CLEC16A: variants seen among roughly 807,000 people sequenced by gnomAD.
CLEC16A encodes protein CLEC16A.
In CLEC16A, 51 loss-of-function variants were observed where a neutral mutation model predicts 109.5. That is an observed-to-expected ratio of 0.47 (90% CI 0.37 to 0.59). The LOEUF (loss-of-function observed/expected upper bound fraction) is 0.59. Ranked by LOEUF, CLEC16A falls within the 20% of genes least tolerant of loss-of-function variation. The pLI, the probability that CLEC16A is intolerant of heterozygous loss-of-function variation, is 0.00. For synonymous variants in CLEC16A, 673 were observed against 564.2 expected (o/e 1.19, Z -2.73); for missense variants, 1,339 against 1,394.0 (o/e 0.96, Z 0.63).
intron 22 of CLEC16A, among the ~76,000 whole-genome samples, chr16:11,128,355 C>T (rs750779688): frequency 2.2e-4 from 33 of 152,216 alleles, no homozygotes; most frequent in African/African-American, 3.6e-4. Context: ...GAGTGTGGCC[C>T]GGCTCCAGAA....
intron 19 of CLEC16A, among the ~76,000 whole-genome samples, chr16:11,106,934 C>T (rs1198552082): frequency 6.6e-6 from 1 of 152,184 alleles, no homozygotes; most frequent in Admixed American, 6.5e-5. Context: ...TTGCCCTGCA[C>T]AGCTTCCCCT....
intron 9 of CLEC16A, among the ~76,000 whole-genome samples, chr16:10,981,726 C>T (rs955680200): frequency 6.6e-6 from 1 of 152,204 alleles, no homozygotes; most frequent in South Asian, 2.1e-4. Context: ...GGTTTCTGTT[C>T]TAGTTTTGTT....
chr16:11,178,996 C>G lies in CLEC16A; in HGVS notation c.*306C>G, dbSNP rs1175364998. ...GTCTCTGAGCCCCGGGTGGCAGGAC[C>G]CACCGGCACCTCTTTCTTCCTCTGT... On this transcript the variant is annotated 3_prime_UTR_variant, in exon 24 of 24. Transcript: ENST00000409790. This position sits in a 1 kb window ranked among gnomAD's most constrained non-coding sequence, Gnocchi z 6.5. 2 of 339,844 alleles carry G rather than the reference C, an allele frequency of 5.9e-6. No homozygotes were observed. Among genetic ancestry groups the G allele is most frequent in the Non-Finnish European group, 1.1e-5 (2 of 187,996 alleles). 21.1% of individuals were successfully genotyped at this position (339,844 alleles called of 1,614,324 possible).
chr16:11,047,400 C>G, intron 17 of CLEC16A, 58 bp downstream of exon 17: 2 of 1,381,756 alleles, frequency 1.4e-6, no homozygotes, highest in Non-Finnish European at 2.0e-6. Flanking sequence ...CTGCCAAGCT[C>G]CCCCTGCCCA....
chr16:11,039,991 C>T, intron 14 of CLEC16A, 115 bp downstream of exon 14: 2 of 1,256,876 alleles, frequency 1.6e-6, no homozygotes, highest in Non-Finnish European at 2.1e-6. Context: ...CCGGGCCCAT[C>T]CCAACCTCTC....
intron 16 of CLEC16A, among the ~76,000 whole-genome samples, chr16:11,046,325 A>G (rs183548517): frequency 2.0e-5 from 3 of 152,280 alleles, no homozygotes; most frequent in African/African-American, 7.2e-5. Context: ...CCTAAGTATA[A>G]TTTCTCAGCA....
intron 19 of CLEC16A, among the ~76,000 whole-genome samples, chr16:11,115,131 C>T (rs1371287880): frequency 6.6e-6 from 1 of 152,118 alleles, no homozygotes; most frequent in Non-Finnish European, 1.5e-5. Context: ...TGGGACAAAC[C>T]CCATTGACAC....
At chr16:11,048,750 C>G (rs1325194844) in intron 17 of CLEC16A, among the ~76,000 whole-genome samples, 1 of 152,162 alleles carries the variant, frequency 6.6e-6, no homozygotes, top group Non-Finnish European at 1.5e-5. Context: ...TCCTCCAGCC[C>G]CTTCGAGAGA....
At chr16:11,008,491 C>A (rs2045179372) in intron 11 of CLEC16A, among the ~76,000 whole-genome samples, 1 of 152,092 alleles carries the variant, frequency 6.6e-6, no homozygotes, top group Admixed American at 6.6e-5. Flanking sequence ...TTTAGAGAGG[C>A]AGAAGTGGAC....
intron 22 of CLEC16A, among the ~76,000 whole-genome samples, chr16:11,160,660 C>T (rs1307953198): frequency 6.6e-6 from 1 of 152,192 alleles, no homozygotes; most frequent in Non-Finnish European, 1.5e-5. Context: ...AGTTTTTTCC[C>T]TAACTGTATC....
In CLEC16A at chr16:11,024,830, G is replaced by A. The variant is rs1312182414; in HGVS notation, c.1446G>A (p.Leu482=). 2 of 1,600,888 alleles carry A rather than the reference G, an allele frequency of 1.2e-6. No homozygotes were observed. Among genetic ancestry groups the A allele is most frequent in the Non-Finnish European group, 1.7e-6 (2 of 1,173,474 alleles). ...SESTQWSRPF[L]DMVYHALDSP... ...CCCTCCTCTTTTCCAGACCCTTCCT[G>A]GATATGGTGTACCACGCGCTGGACA... The change falls in exon 13 of 24, where the codon CTG becomes CTA. Residue 482 remains leucine, a synonymous_variant. Transcript: ENST00000409790.
intron 20 of CLEC16A, among the ~76,000 whole-genome samples, chr16:11,123,186 G>C (rs2052559167): frequency 6.6e-6 from 1 of 152,152 alleles, no homozygotes; most frequent in Admixed American, 6.5e-5. Flanking sequence ...ATAGGCGTGA[G>C]CCACCGTGCC....
intron 2 of CLEC16A, among the ~76,000 whole-genome samples, chr16:10,958,174 C>T (rs1262806306): frequency 6.6e-6 from 1 of 152,072 alleles, no homozygotes; most frequent in African/African-American, 2.4e-5. Flanking sequence ...CAGGTTGTGT[C>T]TGATTATTTT....
chr16:11,071,596 GTTTC>G (rs1295487501), intron 19 of CLEC16A, among the ~76,000 whole-genome samples: 1 of 146,700 alleles, frequency 6.8e-6, no homozygotes, highest in Non-Finnish European at 1.5e-5. Context: ...TCAATATTAC[GTTTC>G]TTTTTTTTTT....
At chr16:10,960,245 G>A (rs190641273) in intron 2 of CLEC16A, among the ~76,000 whole-genome samples, 1 of 152,150 alleles carries the variant, frequency 6.6e-6, no homozygotes, top group Non-Finnish European at 1.5e-5. Flanking sequence ...TCTCCTTTCT[G>A]TCCTAGCATC....
chr16:10,985,905 C>T (rs1206345039), intron 10 of CLEC16A, among the ~76,000 whole-genome samples: 1 of 150,744 alleles, frequency 6.6e-6, no homozygotes, highest in Non-Finnish European at 1.5e-5. Context: ...GGGCTTTCAC[C>T]ATGTTGGCCA....
At chr16:11,140,475 C>T (rs1340927659) in intron 22 of CLEC16A, among the ~76,000 whole-genome samples, 5 of 152,152 alleles carry the variant, frequency 3.3e-5, no homozygotes, top group East Asian at 1.9e-4. Flanking sequence ...GGGAAATGTC[C>T]ACGGGCTCAG....
chr16:10,955,487 C>G (rs897705585), intron 1 of CLEC16A, among the ~76,000 whole-genome samples: 1 of 152,054 alleles, frequency 6.6e-6, no homozygotes, highest in African/African-American at 2.4e-5. Flanking sequence ...TTAAATCCAC[C>G]TGGGAGGGGG....
chr16:11,054,080 G>A (rs1017859772), intron 18 of CLEC16A, among the ~76,000 whole-genome samples: 2 of 152,270 alleles, frequency 1.3e-5, no homozygotes, highest in Admixed American at 6.5e-5. Context: ...TGCAGCTGGA[G>A]CCCACAGGAG....
Sources: allele counts gnomAD v4.1 joint callset (sites outside exome capture counted in the v4.1 genomes callset), GRCh38; gene constraint gnomAD v4.1.1; non-coding constraint Gnocchi (gnomAD v3.1); transcripts MANE v1.5; gene names NCBI Gene and HGNC (gene_info 2026-07-23, HGNC 2026-07-21).